CALCR: variants seen among roughly 807,000 people sequenced by gnomAD.
The protein encoded by CALCR is calcitonin receptor.
A neutral mutation model predicts 59.5 loss-of-function variants in CALCR; 47 were observed. The ratio of observed to expected loss-of-function variants is 0.79; its 90% CI spans 0.63 to 1.01. The LOEUF is 1.01. CALCR is among the 50% of genes least tolerant of loss of function. The pLI is 0.00. For missense variants in CALCR, 566 were observed against 597.1 expected (o/e 0.95, Z 0.54); for synonymous variants, 213 against 211.3 (o/e 1.01, Z -0.07).
At chr7:93,549,695 T>G (rs967188219) in intron 2 of CALCR, among the ~76,000 whole-genome samples, 4 of 152,188 alleles carry the variant, frequency 2.6e-5, no homozygotes, top group Non-Finnish European at 4.4e-5. Context: ...TCTATTAGGG[T>G]TTAGGGCTTG....
At chr7:93,504,575 C>T (rs765985482) in intron 2 of CALCR, among the ~76,000 whole-genome samples, 2 of 152,172 alleles carry the variant, frequency 1.3e-5, no homozygotes, top group Middle Eastern at 3.2e-3. Flanking sequence ...AATATGTCTA[C>T]CATGATCCAT....
At chr7:93,550,143 A>G (rs540513967) in intron 2 of CALCR, among the ~76,000 whole-genome samples, 1 of 152,252 alleles carries the variant, frequency 6.6e-6, no homozygotes, top group South Asian at 2.1e-4. Flanking sequence ...CATTTACTAC[A>G]TATTCTATGT....
chr7:93,484,355 C>A (rs1800874565), intron 3 of CALCR, among the ~76,000 whole-genome samples: 1 of 151,732 alleles, frequency 6.6e-6, no homozygotes, highest in African/African-American at 2.4e-5. Flanking sequence ...AATGGTCCAT[C>A]TCTGCAATAG....
intron 2 of CALCR, among the ~76,000 whole-genome samples, chr7:93,553,874 T>C (rs898504149): frequency 3.9e-5 from 6 of 152,164 alleles, no homozygotes; most frequent in Admixed American, 1.3e-4. Context: ...TACAAATCCA[T>C]GCTATCCCAC....
intron 8 of CALCR, among the ~76,000 whole-genome samples, chr7:93,454,652 G>A (rs534844300): frequency 6.6e-6 from 1 of 151,822 alleles, no homozygotes; most frequent in East Asian, 1.9e-4. Context: ...TTATGGAAAT[G>A]AAATGCTCAA....
At chr7:93,559,606 G>A (rs1789693737) in intron 2 of CALCR, 1 of 146,358 alleles carries the variant, frequency 6.8e-6, no homozygotes, top group African/African-American at 2.4e-5. Flanking sequence ...AGATACTCAG[G>A]TACTTAAAAC....
chr7:93,536,574 T>C (rs912435611), intron 2 of CALCR, among the ~76,000 whole-genome samples: 1 of 151,848 alleles, frequency 6.6e-6, no homozygotes. Context: ...ACTTTAAGTT[T>C]AGGGTACATG....
At chr7:93,535,535 G>T (rs1336373606) in intron 2 of CALCR, among the ~76,000 whole-genome samples, 2 of 151,664 alleles carry the variant, frequency 1.3e-5, no homozygotes, top group African/African-American at 4.8e-5. Flanking sequence ...CACAGATAAT[G>T]ATTGTTATGA....
intron 8 of CALCR, among the ~76,000 whole-genome samples, chr7:93,445,586 T>C (rs1416760854): frequency 6.6e-6 from 1 of 152,118 alleles, no homozygotes; most frequent in Admixed American, 6.6e-5. Flanking sequence ...GAGCCATTGC[T>C]TCTAGGGAAA....
intron 13 of CALCR, among the ~76,000 whole-genome samples, chr7:93,428,564 G>A (rs913759553): frequency 1.3e-5 from 2 of 152,176 alleles, no homozygotes; most frequent in African/African-American, 4.8e-5. Flanking sequence ...ACTTTGGGAG[G>A]CCGAGGCGGG....
In CALCR at chr7:93,424,755, C is replaced by CA. The variant is rs1799486972; in HGVS notation, c.*1600dup. On this transcript the variant is annotated 3_prime_UTR_variant, in exon 14 of 14. Coordinates refer to ENST00000426151, the MANE Select transcript of CALCR (RefSeq NM_001742.4). ...ATACTCTGTTTTCCATGTTTGTAAACAAAAATAGAACAATACTACATAACA... is the reference window on the plus strand; with the variant it reads ...ATACTCTGTTTTCCATGTTTGTAAACAAAAAATAGAACAATACTACATAACA... 2 of 152,448 alleles carry CA rather than the reference C, an allele frequency of 1.3e-5. No homozygotes were observed. Among genetic ancestry groups the CA allele is most frequent in the African/African-American group, 4.8e-5 (2 of 41,408 alleles). The allele number at this position is 152,448 out of a possible 1,614,324, so 9.4% of individuals were successfully genotyped here.
intron 2 of CALCR, among the ~76,000 whole-genome samples, chr7:93,570,556 C>T (rs1789977498): frequency 6.6e-6 from 1 of 152,030 alleles, no homozygotes; most frequent in South Asian, 2.1e-4. Flanking sequence ...GAAATAACTC[C>T]TTGAGTTTAG....
chr7:93,556,802 G>T (rs569309317), intron 2 of CALCR, among the ~76,000 whole-genome samples: 70 of 151,890 alleles, frequency 4.6e-4, no homozygotes, highest in African/African-American at 1.6e-3. Context: ...TTTCCCTATT[G>T]ATTGGCATTT....
intron 6 of CALCR, among the ~76,000 whole-genome samples, chr7:93,471,354 T>G (rs1315366321): frequency 6.6e-6 from 1 of 151,842 alleles, no homozygotes; most frequent in East Asian, 1.9e-4. Flanking sequence ...TCAGGGTGAC[T>G]AAACCATTTG....
At chr7:93,504,936 T>C (rs1801395828) in intron 2 of CALCR, among the ~76,000 whole-genome samples, 2 of 152,108 alleles carry the variant, frequency 1.3e-5, no homozygotes, top group African/African-American at 4.8e-5. Flanking sequence ...TCTCACCTCC[T>C]CTCTGAAGAT....
chr7:93,520,184 G>A (rs531278061), intron 2 of CALCR, among the ~76,000 whole-genome samples: 2 of 152,054 alleles, frequency 1.3e-5, no homozygotes, highest in East Asian at 3.9e-4. Context: ...GAAAATAGCT[G>A]GTAGATATTA....
chr7:93,495,700 A>G (rs1471416383), intron 2 of CALCR, among the ~76,000 whole-genome samples: 2 of 151,312 alleles, frequency 1.3e-5, no homozygotes, highest in Non-Finnish European at 3.0e-5. Flanking sequence ...ATATCTTTTA[A>G]CCACTTTTTT....
intron 8 of CALCR, among the ~76,000 whole-genome samples, chr7:93,460,597 A>ATATATATATATATATATG (rs1800311382): frequency 1.5e-5 from 2 of 133,794 alleles, no homozygotes; most frequent in African/African-American, 6.0e-5. Flanking sequence ...ATATATGTAT[A>ATATATATATATATATATG]TATATATATA....
chr7:93,476,412 GA>G (rs1800667281), intron 5 of CALCR, among the ~76,000 whole-genome samples: 1 of 151,664 alleles, frequency 6.6e-6, no homozygotes, highest in Non-Finnish European at 1.5e-5. Flanking sequence ...AAATCCTGAA[GA>G]ATTTAAGTTT....
Sources: allele counts gnomAD v4.1 joint callset (sites outside exome capture counted in the v4.1 genomes callset), GRCh38; gene constraint gnomAD v4.1.1; transcripts MANE v1.5; gene names NCBI Gene and HGNC (gene_info 2026-07-23, HGNC 2026-07-21).